ZNF536: variants seen among roughly 807,000 people sequenced by gnomAD.
The protein encoded by ZNF536 is zinc finger protein 536.
ZNF536 carries 13 observed loss-of-function variants against 84.5 expected under a neutral mutation model. The observed-to-expected ratio is 0.15, with a 90% CI of 0.10 to 0.24. The LOEUF (loss-of-function observed/expected upper bound fraction) is 0.24, where lower values mean the gene tolerates loss of function less well. Ranked by LOEUF, ZNF536 falls within the 10% of genes least tolerant of loss-of-function variation. ZNF536 has a pLI of 1.00. For missense variants in ZNF536, 1,536 were observed against 1,747.5 expected (o/e 0.88, Z 2.16); for synonymous variants, 811 against 742.5 (o/e 1.09, Z -1.50).
chr19:30,713,075 C>CTGTTTGT (rs2052502050), exon 2 of ZNF536: 1 of 152,068 alleles, frequency 6.6e-6, no homozygotes, highest in Admixed American at 6.5e-5. Flanking sequence ...TCCTCAGATG[C>CTGTTTGT]GACAGGCAAT....
At chr19:30,349,103 T>C (rs1287232423) in intron 2 of ZNF536, among the ~76,000 whole-genome samples, 3 of 152,234 alleles carry the variant, frequency 2.0e-5, no homozygotes, top group Admixed American at 6.5e-5. Flanking sequence ...GCTAGGTTGA[T>C]TGTTAAGATG....
chr19:30,237,313 A>C (rs545817429), intron 1 of ZNF536, among the ~76,000 whole-genome samples: 1 of 152,198 alleles, frequency 6.6e-6, no homozygotes, highest in African/African-American at 2.4e-5. Flanking sequence ...TTCGCATTGG[A>C]ATCTGTCTCT....
At chr19:30,668,363 T>A (rs2050413079) in intron 1 of ZNF536, among the ~76,000 whole-genome samples, 1 of 152,116 alleles carries the variant, frequency 6.6e-6, no homozygotes, top group South Asian at 2.1e-4. Context: ...CCTTCTAGAA[T>A]TTTCTGCCTA....
At chr19:30,397,909 G>T (rs561463866) in intron 1 of ZNF536, among the ~76,000 whole-genome samples, 1 of 152,272 alleles carries the variant, frequency 6.6e-6, no homozygotes, top group African/African-American at 2.4e-5. Context: ...AAATTTAAGA[G>T]CTCACAAAAC....
At chr19:30,379,745 C>T (rs565804327) in intron 1 of ZNF536, among the ~76,000 whole-genome samples, 1 of 152,024 alleles carries the variant, frequency 6.6e-6, no homozygotes, top group South Asian at 2.1e-4. Flanking sequence ...TGGGAGTACT[C>T]ATTCCACTGG....
chr19:30,594,251 G>A (rs549401528), intron 1 of ZNF536, among the ~76,000 whole-genome samples: 2 of 152,360 alleles, frequency 1.3e-5, no homozygotes, highest in African/African-American at 4.8e-5. Context: ...CCCAGCATCT[G>A]TCCATACACG....
At position 30,301,113 on chromosome 19, in the gene ZNF536, T is replaced by C. The variant is rs114012780; in HGVS notation, c.-120+16972T>C. ...ATCATCACAACGGAAAGTCAGCTTTTGTGTCTGCCCTGCCTGGGAAGTGAT... is the reference window on the plus strand; with the variant it reads ...ATCATCACAACGGAAAGTCAGCTTTCGTGTCTGCCCTGCCTGGGAAGTGAT... On this transcript the variant is annotated intron_variant, in intron 2 of 5. Transcript: ENST00000585628. 9.1e-3 allele frequency among the ~76,000 whole-genome samples: 1,386 copies of C among 152,282 alleles called. 23 individuals are homozygous for C. The highest frequency in any genetic ancestry group is 0.031 in the African/African-American group (1,298 of 41,546).
rs576150905 is a variant in ZNF536 at position 30,391,507 on chromosome 19, C to A, written c.-3+18951C>A. On this transcript the variant is annotated intron_variant, in intron 1 of 4. Coordinates refer to ENST00000355537, the MANE Select transcript of ZNF536 (RefSeq NM_014717.3). The stretch of plus-strand genomic sequence containing the variant: ...AAGAGAATCTCTTGAAGCCGGGAGG[C>A]GGAGGTTGCAGTGAGCTGAGATCGC... Among the ~76,000 whole-genome samples the A allele has an allele frequency of 6.2e-4, 94 of 152,168 alleles. 1 individual carries two copies. In the South Asian group the frequency reaches 0.018, roughly 29 times the overall value.
intron 1 of ZNF536, among the ~76,000 whole-genome samples, chr19:30,257,044 A>G (rs1377585600): frequency 6.6e-6 from 1 of 152,240 alleles, no homozygotes; most frequent in Non-Finnish European, 1.5e-5. Flanking sequence ...CCATTTTACC[A>G]TAATTGTTTC....
intron 2 of ZNF536, among the ~76,000 whole-genome samples, chr19:30,478,540 C>T (rs998625254): frequency 1.3e-5 from 2 of 152,162 alleles, no homozygotes; most frequent in Non-Finnish European, 2.9e-5. Context: ...ACTGCTGGAT[C>T]CCCAGCCAAG....
At chr19:30,231,729 TAATG>T (rs2023063227) in intron 1 of ZNF536, among the ~76,000 whole-genome samples, 1 of 152,086 alleles carries the variant, frequency 6.6e-6, no homozygotes, top group Non-Finnish European at 1.5e-5. Flanking sequence ...AGTGAGCAGA[TAATG>T]TGTGTGGTCA....
intron 1 of ZNF536, among the ~76,000 whole-genome samples, chr19:30,616,699 A>T (rs2048306986): frequency 6.6e-6 from 1 of 152,200 alleles, no homozygotes; most frequent in Admixed American, 6.5e-5. Flanking sequence ...TCTCTCTTTT[A>T]GCTCTTAGAG....
At chr19:30,449,657 G>A (rs551740587) in intron 2 of ZNF536, among the ~76,000 whole-genome samples, 51 of 152,280 alleles carry the variant, frequency 3.3e-4, no homozygotes, top group Admixed American at 1.2e-3. Context: ...AAATAAAGTC[G>A]GCTAAGTTAC....
intron 2 of ZNF536, among the ~76,000 whole-genome samples, chr19:30,446,540 TC>T (rs1451544432): frequency 6.6e-6 from 1 of 151,918 alleles, no homozygotes; most frequent in Non-Finnish European, 1.5e-5. Flanking sequence ...GCAGTCTCCC[TC>T]CCCAAGCCAA....
intron 1 of ZNF536, among the ~76,000 whole-genome samples, chr19:30,230,725 T>C (rs1229467440): frequency 6.6e-6 from 1 of 152,184 alleles, no homozygotes; most frequent in Non-Finnish European, 1.5e-5. Context: ...TTTGTTTGCT[T>C]TGCCTTAGGT....
chr19:30,615,268 A>T (rs1471899115), intron 1 of ZNF536, among the ~76,000 whole-genome samples: 1 of 152,028 alleles, frequency 6.6e-6, no homozygotes. Flanking sequence ...TTAGATCCTT[A>T]ACCATCTTCC....
intron 1 of ZNF536, among the ~76,000 whole-genome samples, chr19:30,672,203 A>C (rs919287153): frequency 6.6e-6 from 1 of 152,238 alleles, no homozygotes; most frequent in Non-Finnish European, 1.5e-5. Context: ...ACTTCTTACA[A>C]ATGATCTGCC....
downstream of ZNF536, among the ~76,000 whole-genome samples, chr19:30,562,568 G>A (rs561941546): frequency 4.6e-5 from 7 of 152,104 alleles, no homozygotes; most frequent in Middle Eastern, 3.4e-3. Context: ...TCAACCTGTC[G>A]AGCTCACAGT....
chr19:30,290,678 T>A (rs1330337557), intron 2 of ZNF536, among the ~76,000 whole-genome samples: 7 of 152,208 alleles, frequency 4.6e-5, no homozygotes, highest in Non-Finnish European at 1.5e-5. Flanking sequence ...TGTTTCTTTT[T>A]TAAAAAATTT....
Sources: allele counts gnomAD v4.1 joint callset (sites outside exome capture counted in the v4.1 genomes callset), GRCh38; gene constraint gnomAD v4.1.1; transcripts MANE v1.5; gene names NCBI Gene and HGNC (gene_info 2026-07-23, HGNC 2026-07-21).